Variants in COL5A2 observed in about 807,000 individuals in gnomAD.
COL5A2 encodes collagen type V alpha 2 chain.
A neutral mutation model predicts 208.2 loss-of-function variants in COL5A2; 23 were observed. The observed-to-expected ratio is 0.11, with a 90% CI of 0.08 to 0.16. The LOEUF (loss-of-function observed/expected upper bound fraction) is 0.16. COL5A2 is among the 10% of genes least tolerant of loss of function. COL5A2 has a pLI of 1.00. For synonymous variants in COL5A2, 625 were observed against 628.5 expected, an observed-to-expected ratio of 0.99 and a Z score of 0.08; for missense variants, 1,590 against 1,956.4, an observed-to-expected ratio of 0.81 and a Z score of 3.53.
intron 1 of COL5A2, among the ~76,000 whole-genome samples, chr2:189,141,699 G>A (rs888983903): frequency 5.3e-5 from 8 of 152,110 alleles, no homozygotes; most frequent in South Asian, 2.1e-4. Flanking sequence ...TCAAAATAGC[G>A]AAATGCACTG....
chr2:189,173,508 C>T (rs896217492), intron 1 of COL5A2, among the ~76,000 whole-genome samples: 5 of 152,044 alleles, frequency 3.3e-5, no homozygotes, highest in Non-Finnish European at 7.4e-5. Context: ...CATGCAAATG[C>T]CAAGAGTAAA....
At chr2:189,188,711 T>C (rs532762365) in intron 1 of COL5A2, among the ~76,000 whole-genome samples, 42 of 152,304 alleles carry the variant, frequency 2.8e-4, no homozygotes, top group African/African-American at 9.4e-4. Flanking sequence ...GTCCTGCTTT[T>C]AAAAAGTTAA....
intron 8 of COL5A2, 117 bp from the exon 9 acceptor site, chr2:189,086,887 G>A (rs961863336): frequency 1.1e-5 from 9 of 822,630 alleles, no homozygotes; most frequent in African/African-American, 1.7e-5. Flanking sequence ...AAAGGGGGAT[G>A]ATGACATTCT....
chr2:189,151,928 C>A (rs1217948335), intron 1 of COL5A2, among the ~76,000 whole-genome samples: 2 of 152,050 alleles, frequency 1.3e-5, no homozygotes, highest in Admixed American at 1.3e-4. Flanking sequence ...GTCTAAGACC[C>A]CAGTAGTTAT....
In COL5A2 at chr2:189,033,634, T is replaced by C. The variant is rs149313073; in HGVS notation, c.*436A>G. 164 of 190,396 alleles carry C rather than the reference T, an allele frequency of 8.6e-4. No homozygotes were observed. Among genetic ancestry groups the C allele is most frequent in the African/African-American group, 2.9e-3 (122 of 42,458 alleles). The allele number at this position is 190,396 out of a possible 1,614,324, so 11.8% of individuals were successfully genotyped here. A position where few individuals can be genotyped will look rare whatever the true frequency, so the allele number is the denominator to read the frequency against. ...GGTCACAAAAGGGCACTAATTTCTA[T>C]TTTTCAACTGCAGCCAAGCAAAATA... On this transcript the variant is annotated 3_prime_UTR_variant, in exon 54 of 54. Transcript: ENST00000374866.
At chr2:189,110,562 C>A in intron 1 of COL5A2, 113 bp from the exon 2 acceptor site, 1 of 845,284 alleles carries the variant, frequency 1.2e-6, no homozygotes, top group Non-Finnish European at 1.9e-6. Context: ...AGTAACCTTC[C>A]AAGGAGCCAA....
the COL5A2 span, among the ~76,000 whole-genome samples, chr2:189,262,832 A>G: frequency 6.6e-6 from 1 of 152,154 alleles, no homozygotes; most frequent in Admixed American, 6.6e-5. Context: ...ATTATCAACC[A>G]ATATGGATTT....
chr2:189,361,318 G>A, the COL5A2 span, among the ~76,000 whole-genome samples: 18 of 152,156 alleles, frequency 1.2e-4, no homozygotes, highest in African/African-American at 3.4e-4. Flanking sequence ...ATTTATGATT[G>A]TTATATCCTC....
At chr2:189,036,386 T>C (rs1167064031) in intron 52 of COL5A2, among the ~76,000 whole-genome samples, 1 of 152,132 alleles carries the variant, frequency 6.6e-6, no homozygotes, top group Non-Finnish European at 1.5e-5. Flanking sequence ...CTTTTCTATA[T>C]TTCATCCATG....
chr2:189,143,623 T>C (rs1341861368), intron 1 of COL5A2, among the ~76,000 whole-genome samples: 2 of 152,186 alleles, frequency 1.3e-5, no homozygotes, highest in African/African-American at 2.4e-5. Flanking sequence ...ACAAAACATA[T>C]GAACAATCTG....
the COL5A2 span, chr2:189,311,239 G>C: frequency 6.9e-7 from 1 of 1,447,372 alleles, no homozygotes; most frequent in African/African-American, 1.4e-5. Context: ...GCTCCCCAAA[G>C]GGTACCCTGC....
intron 1 of COL5A2, among the ~76,000 whole-genome samples, chr2:189,128,615 C>T (rs917442245): frequency 6.6e-6 from 1 of 151,848 alleles, no homozygotes; most frequent in Non-Finnish European, 1.5e-5. Flanking sequence ...CTTCTAGTGA[C>T]TCTGATTTTG....
chr2:189,263,276 G>A, the COL5A2 span, among the ~76,000 whole-genome samples: 2 of 152,052 alleles, frequency 1.3e-5, no homozygotes, highest in Admixed American at 1.3e-4. Flanking sequence ...GAGATAGCTG[G>A]GCAACTTTAA....
the COL5A2 span, among the ~76,000 whole-genome samples, chr2:189,300,137 TAATAACACTTA>T: frequency 2.6e-5 from 4 of 152,228 alleles, no homozygotes; most frequent in African/African-American, 9.6e-5. Context: ...CATGACCAAG[TAATAACACTTA>T]CAGTCTTCTG....
chr2:189,324,859 C>G, the COL5A2 span, among the ~76,000 whole-genome samples: 1 of 152,166 alleles, frequency 6.6e-6, no homozygotes, highest in East Asian at 1.9e-4. Context: ...TATAAAGACA[C>G]AAGCACACAT....
intron 1 of COL5A2, among the ~76,000 whole-genome samples, chr2:189,220,669 A>C (rs1689337717): frequency 6.6e-6 from 1 of 152,208 alleles, no homozygotes; most frequent in Non-Finnish European, 1.5e-5. Flanking sequence ...ATCTGGAAAA[A>C]ATCAACATCT....
At chr2:189,357,127 G>A in the COL5A2 span, among the ~76,000 whole-genome samples, 4 of 152,102 alleles carry the variant, frequency 2.6e-5, no homozygotes, top group Non-Finnish European at 5.9e-5. Flanking sequence ...GAGGGCCATC[G>A]ACCAGATGCC....
At chr2:189,242,241 A>AT in the COL5A2 span, among the ~76,000 whole-genome samples, 3 of 152,142 alleles carry the variant, frequency 2.0e-5, no homozygotes, top group Non-Finnish European at 4.4e-5. Flanking sequence ...ACAGCATTAG[A>AT]TACTTACTAT....
chr2:189,368,692 G>A, the COL5A2 span, among the ~76,000 whole-genome samples: 2 of 152,130 alleles, frequency 1.3e-5, no homozygotes, highest in African/African-American at 4.8e-5. Flanking sequence ...AGCAGTCTTT[G>A]TACAACATAA....
Sources: allele counts gnomAD v4.1 joint callset (sites outside exome capture counted in the v4.1 genomes callset), GRCh38; gene constraint gnomAD v4.1.1; transcripts MANE v1.5; gene names NCBI Gene and HGNC (gene_info 2026-07-23, HGNC 2026-07-21).